ASAP1: variants seen among roughly 807,000 people sequenced by gnomAD.
ASAP1 encodes the protein ArfGAP with SH3 domain, ankyrin repeat and PH domain 1.
Under a neutral mutation model 145.2 loss-of-function variants are expected in ASAP1, and 43 were observed. The observed-to-expected ratio is 0.30, with a 90% CI of 0.23 to 0.38. The LOEUF is 0.38. Ranked by LOEUF, ASAP1 falls within the 10% of genes least tolerant of loss-of-function variation. The probability of loss-of-function intolerance (pLI) is 1.00; values close to 1 mark genes in which losing one functional copy is unlikely to be tolerated. For synonymous variants in ASAP1, 546 were observed against 515.5 expected (o/e 1.06, Z -0.80); for missense variants, 1,018 against 1,355.3 (o/e 0.75, Z 3.91).
chr8:130,432,073 AG>A (rs1264560210), intron 1 of ASAP1, among the ~76,000 whole-genome samples: 1 of 89,116 alleles, frequency 1.1e-5, no homozygotes, highest in African/African-American at 4.5e-5. Context: ...GGAAAGGAGG[AG>A]GGGGAGGGGG....
intron 24 of ASAP1, among the ~76,000 whole-genome samples, chr8:130,094,436 G>A (rs986499094): frequency 5.9e-5 from 9 of 152,142 alleles, no homozygotes; most frequent in Admixed American, 1.3e-4. Flanking sequence ...GTCCAGGCTG[G>A]CCTTGAACTC....
chr8:130,383,124 G>A (rs934549212), intron 2 of ASAP1, among the ~76,000 whole-genome samples: 3 of 152,104 alleles, frequency 2.0e-5, no homozygotes, highest in Admixed American at 6.5e-5. Flanking sequence ...GGCTCTATTC[G>A]ATCTTCTGCC....
intron 4 of ASAP1, among the ~76,000 whole-genome samples, chr8:130,221,557 TCACTTCTCCACAA>T (rs1409655667): frequency 6.6e-6 from 1 of 152,214 alleles, no homozygotes; most frequent in Non-Finnish European, 1.5e-5. Context: ...CTCTGTCTTG[TCACTTCTCCACAA>T]TTTTCTGCTC....
intron 13 of ASAP1, among the ~76,000 whole-genome samples, chr8:130,143,255 C>T (rs1586428706): frequency 6.6e-6 from 1 of 152,184 alleles, no homozygotes; most frequent in African/African-American, 2.4e-5. Context: ...TTATAGGTTT[C>T]ACTTCTCATT....
intron 3 of ASAP1, among the ~76,000 whole-genome samples, chr8:130,324,023 A>C (rs1824178098): frequency 6.6e-6 from 1 of 152,246 alleles, no homozygotes; most frequent in Admixed American, 6.5e-5. Context: ...CCAGGGGCTC[A>C]AAATGTATTG....
intron 25 of ASAP1, chr8:130,084,075 G>A (rs2097487276): frequency 6.6e-6 from 1 of 152,340 alleles, no homozygotes; most frequent in South Asian, 2.1e-4. Context: ...TTACAGGCGT[G>A]AGCCACTGCG....
intron 7 of ASAP1, 42 bp from the exon 8 acceptor site, chr8:130,180,922 C>T: frequency 7.6e-7 from 1 of 1,311,268 alleles, no homozygotes; most frequent in Non-Finnish European, 1.1e-6. Flanking sequence ...AAAAAAAATA[C>T]ACTCATGTAC....
chr8:130,318,508 C>T (rs1299490044), intron 3 of ASAP1, among the ~76,000 whole-genome samples: 2 of 152,222 alleles, frequency 1.3e-5, no homozygotes, highest in Non-Finnish European at 2.9e-5. Flanking sequence ...CGAACATCTC[C>T]TTTCATTTTC....
At chr8:130,185,245 A>G (rs1308549901) in intron 7 of ASAP1, among the ~76,000 whole-genome samples, 3 of 152,188 alleles carry the variant, frequency 2.0e-5, no homozygotes, top group Non-Finnish European at 4.4e-5. Flanking sequence ...CTGCCTTCAT[A>G]AGGTCTTAAA....
At chr8:130,278,455 T>G (rs923029023) in intron 3 of ASAP1, among the ~76,000 whole-genome samples, 9 of 151,964 alleles carry the variant, frequency 5.9e-5, no homozygotes, top group African/African-American at 2.2e-4. Context: ...AGCGTCAGGG[T>G]GGAAACAAAG....
chr8:130,373,523 AC>A (rs1827328488), intron 2 of ASAP1, among the ~76,000 whole-genome samples: 1 of 152,154 alleles, frequency 6.6e-6, no homozygotes, highest in African/African-American at 2.4e-5. Flanking sequence ...ACTCTACTCA[AC>A]CGATCCCAAC....
intron 2 of ASAP1, among the ~76,000 whole-genome samples, chr8:130,392,840 CG>C (rs1398698661): frequency 6.6e-6 from 1 of 152,012 alleles, no homozygotes; most frequent in African/African-American, 2.4e-5. Flanking sequence ...ACAGTTGTCA[CG>C]GGAACTAACA....
chr8:130,255,029 AC>A (rs1819423720), intron 3 of ASAP1, among the ~76,000 whole-genome samples: 1 of 152,172 alleles, frequency 6.6e-6, no homozygotes, highest in Non-Finnish European at 1.5e-5. Context: ...AGACTAAGTG[AC>A]TTTCCACATA....
chr8:130,173,971 C>T (rs1813773272), intron 9 of ASAP1, among the ~76,000 whole-genome samples: 1 of 151,236 alleles, frequency 6.6e-6, no homozygotes, highest in South Asian at 2.1e-4. Context: ...GTCCCAGCTA[C>T]TTGGGAGGCT....
At chr8:130,322,305 A>T (rs958779318) in intron 3 of ASAP1, among the ~76,000 whole-genome samples, 4 of 36,816 alleles carry the variant, frequency 1.1e-4, no homozygotes, top group Non-Finnish European at 2.3e-4. Context: ...TCTGTGGTTA[A>T]AAAAAAAAAA....
Position 130,053,759 on chromosome 8 carries a change from AT to A in ASAP1, c.*971del, listed in dbSNP as rs1196454541. On this transcript the variant is annotated 3_prime_UTR_variant, in exon 30 of 30. Coordinates refer to ENST00000518721, the MANE Select transcript of ASAP1 (RefSeq NM_018482.4). ...GCTTCAACACATCTGAGAGATGTGC[AT>A]TCATAACACAATATGTCAATCCATA... 1 of 152,262 alleles carries A rather than the reference AT, an allele frequency of 6.6e-6. No homozygotes were observed. The highest frequency in any genetic ancestry group is 1.5e-5 in the Non-Finnish European group (1 of 68,050). The allele number at this position is 152,262 out of a possible 1,614,324, so 9.4% of individuals were successfully genotyped here. A position where few individuals can be genotyped will look rare whatever the true frequency, so the allele number is the denominator to read the frequency against.
intron 21 of ASAP1, 34 bp from the exon 22 acceptor site, chr8:130,116,779 T>C (rs750007851): frequency 6.2e-7 from 1 of 1,604,320 alleles, no homozygotes; most frequent in Non-Finnish European, 8.5e-7. Flanking sequence ...TGCATAATTA[T>C]CTAGGAAACA....
intron 3 of ASAP1, among the ~76,000 whole-genome samples, chr8:130,252,573 C>A (rs1338167920): frequency 6.6e-6 from 1 of 152,118 alleles, no homozygotes; most frequent in African/African-American, 2.4e-5. Flanking sequence ...GTGAACTGTA[C>A]ATTTAAAAAA....
At chr8:130,124,779 G>A (rs72722349) in intron 17 of ASAP1, among the ~76,000 whole-genome samples, 8,109 of 152,212 alleles carry the variant, frequency 0.053, 285 homozygotes, top group Middle Eastern at 0.078. Context: ...CATGGCAAAC[G>A]TTTAGGATTT....
Sources: allele counts gnomAD v4.1 joint callset (sites outside exome capture counted in the v4.1 genomes callset), GRCh38; gene constraint gnomAD v4.1.1; transcripts MANE v1.5; gene names NCBI Gene and HGNC (gene_info 2026-07-23, HGNC 2026-07-21).